RIPOR1: variants seen among roughly 807,000 people sequenced by gnomAD.
RIPOR1 encodes RHO family interacting cell polarization regulator 1, also known as rho family-interacting cell polarization regulator 1.
RIPOR1 carries 58 observed loss-of-function variants against 116.5 expected under a neutral mutation model. The observed-to-expected ratio is 0.50, with a 90% CI of 0.40 to 0.62. The LOEUF is 0.62. Among genes scored for constraint, RIPOR1 ranks in the 20% least tolerant of loss-of-function variants. RIPOR1 has a pLI of 0.00. For synonymous variants in RIPOR1, 605 were observed against 650.0 expected, an observed-to-expected ratio of 0.93 and a Z score of 1.05; for missense variants, 1,372 against 1,586.2, an observed-to-expected ratio of 0.86 and a Z score of 2.29.
chr16:67,532,058 A>T (rs963750127), intron 1 of RIPOR1, among the ~76,000 whole-genome samples: 4 of 144,168 alleles, frequency 2.8e-5, no homozygotes, highest in African/African-American at 1.0e-4. Context: ...CGCCCAGCTA[A>T]TTTTTTTTTT....
chr16:67,537,595 G>T lies in RIPOR1; in HGVS notation c.-23-829G>T. The stretch of plus-strand genomic sequence containing the variant: ...GGACCCACCATGAACACCAAGAAGA[G>T]AGGTAGGACCCAGCTCGGGGCTGCG... On this transcript the variant is annotated intron_variant, in intron 1 of 21. Coordinates refer to ENST00000042381, the MANE Select transcript of RIPOR1 (RefSeq NM_024519.4). The surrounding 1 kb of genome is among the most constrained non-coding windows in gnomAD (Gnocchi z 4.6). 1.4e-6 allele frequency: 2 copies of T among 1,420,740 alleles called. No homozygotes were observed. The highest frequency in any genetic ancestry group is 1.8e-6 in the Non-Finnish European group (2 of 1,086,460). The allele number at this position is 1,420,740 out of a possible 1,614,324, so 88.0% of individuals were successfully genotyped here. A position where few individuals can be genotyped will look rare whatever the true frequency, so the allele number is the denominator to read the frequency against.
At chr16:67,522,569 T>A (rs558635964) in intron 1 of RIPOR1, among the ~76,000 whole-genome samples, 1 of 152,134 alleles carries the variant, frequency 6.6e-6, no homozygotes, top group East Asian at 1.9e-4. Flanking sequence ...TCTCTTGACC[T>A]CATGATCTGC....
chr16:67,538,640 T>C, intron 2 of RIPOR1, 32 bp from the exon 3 acceptor site: 1 of 1,610,440 alleles, frequency 6.2e-7, no homozygotes, highest in Non-Finnish European at 8.5e-7. Context: ...GGACTCCTGC[T>C]CTCCTCTTTC....
intron 1 of RIPOR1, among the ~76,000 whole-genome samples, chr16:67,523,441 G>A (rs1327251996): frequency 4.9e-5 from 7 of 142,166 alleles, no homozygotes; most frequent in Admixed American, 1.5e-4. Flanking sequence ...CATGAGAATC[G>A]CTTGAACCCG....
At position 67,542,723 on chromosome 16, in the gene RIPOR1, G is replaced by T. The variant is rs1264673774; in HGVS notation, c.1937G>T (p.Ser646Ile). The T allele has an allele frequency of 2.5e-6, 4 of 1,608,418 alleles. No individual in the cohort carries two copies. Among genetic ancestry groups the T allele is most frequent in the Middle Eastern group, 1.7e-4 (1 of 6,044 alleles). The change falls in exon 13 of 22, where the codon AGT becomes ATT. Residue 646 changes from serine (S) to isoleucine (I), a missense_variant. Physicochemically the swap from Ser to Ile is moderately radical, Grantham distance 142 (BLOSUM62 -2). Around this residue, in one of 3 missense-constraint regions of RIPOR1, gnomAD observed 1,005 missense variants for 1,144.7 expected, o/e 0.88. Coordinates refer to ENST00000042381, the MANE Select transcript of RIPOR1 (RefSeq NM_024519.4). This position sits in a 1 kb window ranked among gnomAD's most constrained non-coding sequence, Gnocchi z 4.6. ...CCCACCACTACAAGTCCTACCCCCA[G>T]TGGTATGGGCCTAGTCCAGACTGCC... ...SPPTTTSPTP[S>I]GMGLVQTATS...
At chr16:67,539,942 T>C (rs761111085) in intron 6 of RIPOR1, 43 bp downstream of exon 6, 4 of 1,613,694 alleles carry the variant, frequency 2.5e-6, no homozygotes, top group South Asian at 1.1e-5. Context: ...GGGGGTTGGA[T>C]ATCATAGGGA....
rs1164118532 is a variant in RIPOR1 at position 67,538,506 on chromosome 16, C to T, written c.60C>T (p.Ser20=). 1.2e-6 allele frequency: 2 copies of T among 1,612,186 alleles called. No individual in the cohort carries two copies. The highest frequency in any genetic ancestry group is 4.5e-5 in the East Asian group (2 of 44,846). The part of the protein sequence containing the change: ...RRLLSARVNR[S]QSFAGVLGSH... ...TGCTCAGCGCCCGGGTCAATAGGAGCCAGTCCTTCGCAGGCGTCCTCGGCA... is the reference window on the plus strand; with the variant it reads ...TGCTCAGCGCCCGGGTCAATAGGAGTCAGTCCTTCGCAGGCGTCCTCGGCA... Residue 20 remains serine (S), a synonymous_variant, in exon 2 of 22, where the codon AGC becomes AGT. Transcript: ENST00000042381.
chr16:67,543,896 C>G lies in RIPOR1; in HGVS notation c.2601-403C>G, dbSNP rs1158501605. 2.8e-6 allele frequency: 1 copy of G among 357,590 alleles called. No homozygotes were observed. Among genetic ancestry groups the G allele is most frequent in the African/African-American group, 2.1e-5 (1 of 48,382 alleles). 22.2% of individuals were successfully genotyped at this position (357,590 alleles called of 1,614,324 possible). A position where few individuals can be genotyped will look rare whatever the true frequency, so the allele number is the denominator to read the frequency against. On this transcript the variant is annotated intron_variant, in intron 14 of 21. Coordinates refer to ENST00000042381, the MANE Select transcript of RIPOR1 (RefSeq NM_024519.4). This position sits in a 1 kb window ranked among gnomAD's most constrained non-coding sequence, Gnocchi z 4.7. ...CCCCGACTCTCCCAGAGGCCCTGGC[C>G]CCTCAACTGTCAGTCCTGGAGTGGC...
Position 67,542,914 on chromosome 16 carries a change from G to A in RIPOR1, c.2128G>A (p.Val710Ile), listed in dbSNP as rs778156896. ...TGACTCCCTTCCCTGTAGTCCCCCA[G>A]TCTCCAATTCCTACACTCAGGCAGA... ...GTDSLPCSPP[V>I]SNSYTQADPM... The change falls in exon 13 of 22, where the codon GTC (valine) becomes ATC (isoleucine). Residue 710 changes from valine to isoleucine, a missense_variant. Coordinates refer to ENST00000042381, the MANE Select transcript of RIPOR1 (RefSeq NM_024519.4). The surrounding 1 kb of genome is among the most constrained non-coding windows in gnomAD (Gnocchi z 4.6). The A allele has an allele frequency of 6.2e-7, 1 of 1,606,220 alleles. No individual in the cohort carries two copies. The highest frequency in any genetic ancestry group is 8.5e-7 in the Non-Finnish European group (1 of 1,175,270).
At chr16:67,527,874 C>T (rs1303487346), upstream of RIPOR1, among the ~76,000 whole-genome samples, 2 of 150,912 alleles carry the variant, frequency 1.3e-5, no homozygotes, top group Admixed American at 6.6e-5. Context: ...AAAAAAAACC[C>T]GACCAAACAA....
chr16:67,524,199 C>T (rs1019882184), upstream of RIPOR1, among the ~76,000 whole-genome samples: 1 of 152,220 alleles, frequency 6.6e-6, no homozygotes. Context: ...AGAAATGGCT[C>T]TAGGAGAAGC....
rs753115937 is a variant in RIPOR1, at chr16:67,540,653, C to G, written c.750C>G (p.Asp250Glu). Residue 250 changes from aspartate to glutamate, a missense_variant, in exon 10 of 22, where the codon GAC becomes GAG. Physicochemically the swap from Asp to Glu is conservative, Grantham distance 45 (BLOSUM62 2). Coordinates refer to ENST00000042381, the MANE Select transcript of RIPOR1 (RefSeq NM_024519.4). The surrounding 1 kb of genome is among the most constrained non-coding windows in gnomAD (Gnocchi z 4.7). ...AGGGTAGTGGAAAGCAGGTGTGGGACAGTGAAGAAACCATCTTTCTCCCTC... is the reference window on the plus strand; with the variant it reads ...AGGGTAGTGGAAAGCAGGTGTGGGAGAGTGAAGAAACCATCTTTCTCCCTC... ...RIEGSGKQVWDSEETIFLPLL... is the reference protein window; with the variant it reads ...RIEGSGKQVWESEETIFLPLL... 1 of 1,612,998 alleles carries G rather than the reference C, an allele frequency of 6.2e-7. No individual in the cohort carries two copies. The highest frequency in any genetic ancestry group is 1.3e-5 in the African/African-American group (1 of 74,862).
chr16:67,542,123 G>C lies in RIPOR1; in HGVS notation c.1337G>C (p.Arg446Pro), dbSNP rs773792869. 1.3e-5 allele frequency: 21 copies of C among 1,613,450 alleles called. No individual in the cohort carries two copies. The highest frequency in any genetic ancestry group is 1.7e-5 in the Non-Finnish European group (20 of 1,179,520). ...VLANGHAPYS[R>P]TLSHISEASV... The stretch of plus-strand genomic sequence containing the variant: ...GCAAATGGGCATGCACCCTACAGTC[G>C]GACTCTGAGCCACATCAGTGAGGCT... The change falls in exon 13 of 22, where the codon CGG becomes CCG. Residue 446 changes from arginine (R) to proline (P), a missense_variant. This residue lies in a region of RIPOR1 where 1,005 missense variants were observed against 1,144.7 expected (regional missense o/e 0.88). Coordinates refer to ENST00000042381, the MANE Select transcript of RIPOR1 (RefSeq NM_024519.4). The surrounding 1 kb of genome is among the most constrained non-coding windows in gnomAD (Gnocchi z 4.6).
chr16:67,539,797 G>A, intron 5 of RIPOR1, 46 bp downstream of exon 5: 1 of 1,614,188 alleles, frequency 6.2e-7, no homozygotes, highest in Non-Finnish European at 8.5e-7. Flanking sequence ...CTCACAGGGA[G>A]GGTAAGGACC....
intron 4 of RIPOR1, chr16:67,539,349 T>C: frequency 3.8e-6 from 2 of 521,990 alleles, no homozygotes; most frequent in Non-Finnish European, 6.9e-6. Context: ...TACTGAGCAG[T>C]GGTACTGCTG....
chr16:67,525,476 TG>T (rs1249155174), upstream of RIPOR1, among the ~76,000 whole-genome samples: 1 of 145,626 alleles, frequency 6.9e-6, no homozygotes, highest in Non-Finnish European at 1.5e-5. Flanking sequence ...GGGATGGGGG[TG>T]GGGGTTGCAT....
At chr16:67,534,174 C>T (rs2050735546) in intron 1 of RIPOR1, among the ~76,000 whole-genome samples, 1 of 151,102 alleles carries the variant, frequency 6.6e-6, no homozygotes, top group Non-Finnish European at 1.5e-5. Flanking sequence ...TGCTCTATCA[C>T]CTAGGCTGTA....
chr16:67,545,205 C>T lies in RIPOR1; in HGVS notation c.3031+88C>T, dbSNP rs1597658092. On this transcript the variant is annotated intron_variant, in intron 17 of 21. Transcript: ENST00000042381. This position sits in a 1 kb window ranked among gnomAD's most constrained non-coding sequence, Gnocchi z 4.8. ...AGCCAGGTCAGCCCACACAGATAAA[C>T]GAACTGGGCACCGAGGAGACCAGCA... 14 of 1,560,210 alleles carry T rather than the reference C, an allele frequency of 9.0e-6. No individual in the cohort carries two copies. Among genetic ancestry groups the T allele is most frequent in the Admixed American group, 1.7e-5 (1 of 58,864 alleles).
In RIPOR1 at chr16:67,537,396, C is replaced by T; in HGVS notation, c.-23-1028C>T. 1 of 1,237,524 alleles carries T rather than the reference C, an allele frequency of 8.1e-7. No individual in the cohort carries two copies. Among genetic ancestry groups the T allele is most frequent in the Non-Finnish European group, 1.0e-6 (1 of 990,628 alleles). 76.7% of individuals were successfully genotyped at this position (1,237,524 alleles called of 1,614,324 possible). A position where few individuals can be genotyped will look rare whatever the true frequency, so the allele number is the denominator to read the frequency against. Reference sequence around the variant, plus strand: ...CCGAGGGGAACCCCAGTCACCGGTCCCGCCCCATCCAGGCGGGCTGAGTCA... The same window carrying T: ...CCGAGGGGAACCCCAGTCACCGGTCTCGCCCCATCCAGGCGGGCTGAGTCA... On this transcript the variant is annotated intron_variant, in intron 1 of 21. Coordinates refer to ENST00000042381, the MANE Select transcript of RIPOR1 (RefSeq NM_024519.4). The surrounding 1 kb of genome is among the most constrained non-coding windows in gnomAD (Gnocchi z 4.6).
Sources: gnomAD v4.1 joint callset for allele counts (sites outside exome capture counted in the v4.1 genomes callset) on GRCh38, gnomAD v4.1.1 for gene constraint, gnomAD v4.1.1 regional missense constraint, Gnocchi (gnomAD v3.1) non-coding constraint, MANE v1.5 for transcripts, NCBI Gene and HGNC (gene_info 2026-07-23, HGNC 2026-07-21) for gene names.